Variants in NUP155 observed in about 807,000 individuals in gnomAD.
The protein encoded by NUP155 is nucleoporin 155.
In NUP155, 71 loss-of-function variants were observed where a neutral mutation model predicts 180.4. The ratio of observed to expected loss-of-function variants is 0.39; its 90% CI spans 0.33 to 0.48. The LOEUF is 0.48. Ranked by LOEUF, NUP155 falls within the 20% of genes least tolerant of loss-of-function variation. The pLI is 0.91. For missense variants in NUP155, 1,553 were observed against 1,648.9 expected, an observed-to-expected ratio of 0.94 and a Z score of 1.01; for synonymous variants, 582 against 559.5, an observed-to-expected ratio of 1.04 and a Z score of -0.57.
At position 37,317,414 on chromosome 5, in the gene NUP155, G is replaced by A. The variant is rs528629267; in HGVS notation, c.2305+574C>T. On this transcript the variant is annotated intron_variant, in intron 21 of 34. Transcript: ENST00000231498. ...GAGGCAGAAGAATTTCTTGAACCCAGGAGGCAGAGGTTGCAGTGAGCCAAG... is the reference window on the plus strand; with the variant it reads ...GAGGCAGAAGAATTTCTTGAACCCAAGAGGCAGAGGTTGCAGTGAGCCAAG... 7.9e-5 allele frequency among the ~76,000 whole-genome samples: 12 copies of A among 151,796 alleles called. No individual in the cohort carries two copies. The South Asian group carries it at 2.3e-3, about 29-fold the overall frequency.
At chr5:37,344,399 C>A (rs1581189838) in intron 9 of NUP155, among the ~76,000 whole-genome samples, 1 of 143,952 alleles carries the variant, frequency 6.9e-6, no homozygotes, top group African/African-American at 2.5e-5. Context: ...ATATAAACAT[C>A]ATATATAAAA....
chr5:37,324,607 T>C (rs1019796094), intron 19 of NUP155, among the ~76,000 whole-genome samples: 9 of 152,178 alleles, frequency 5.9e-5, no homozygotes, highest in East Asian at 3.9e-4. Flanking sequence ...CCTGGGAGTG[T>C]AGTGGCGCGG....
chr5:37,327,803 CTCTTAA>C (rs769779770), intron 17 of NUP155, 27 bp from the exon 18 acceptor site: 5 of 1,611,504 alleles, frequency 3.1e-6, no homozygotes, highest in East Asian at 2.2e-5. Flanking sequence ...AAAAACAAAT[CTCTTAA>C]TCTTAATCTT....
chr5:37,297,997 G>A (rs1742678669), intron 32 of NUP155, among the ~76,000 whole-genome samples: 1 of 151,870 alleles, frequency 6.6e-6, no homozygotes. Context: ...CAGCACCTTG[G>A]GAGGCCAAGG....
intron 1 of NUP155, among the ~76,000 whole-genome samples, chr5:37,370,503 A>T (rs1747891021): frequency 6.6e-6 from 1 of 152,238 alleles, no homozygotes; most frequent in Non-Finnish European, 1.5e-5. Context: ...TGGGACTTGG[A>T]TCTGGAGATG....
intron 30 of NUP155, among the ~76,000 whole-genome samples, chr5:37,300,494 CAA>C (rs35124053): frequency 0.25 from 37,451 of 151,976 alleles, 5,020 homozygotes; most frequent in Middle Eastern, 0.39. Flanking sequence ...TGACAAATCT[CAA>C]AGTGTTTCAG....
intron 21 of NUP155, 70 bp from the exon 22 acceptor site, chr5:37,314,398 G>A (rs1166003553): frequency 1.7e-6 from 2 of 1,195,448 alleles, no homozygotes; most frequent in Non-Finnish European, 2.4e-6. Context: ...AATAAAAACT[G>A]TAGTTAAGGT....
At position 37,301,338 on chromosome 5, in the gene NUP155, A is replaced by G. The variant is rs1178695272; in HGVS notation, c.3561+99T>C. ...AAGATGCCTTATCTTATTTGTGGAG[A>G]TAAGGTAATTTTCCCCATGAAACAA... is the stretch of plus-strand genomic sequence containing the variant. On this transcript the variant is annotated intron_variant, in intron 30 of 34. Transcript: ENST00000231498. 9.0e-5 allele frequency: 66 copies of G among 733,956 alleles called. 1 individual carries two copies. 45.5% of individuals were successfully genotyped at this position (733,956 alleles called of 1,614,324 possible). A position where few individuals can be genotyped will look rare whatever the true frequency, so the allele number is the denominator to read the frequency against.
chr5:37,306,747 G>A (rs1032748924), intron 25 of NUP155, among the ~76,000 whole-genome samples: 25 of 152,220 alleles, frequency 1.6e-4, no homozygotes, highest in Non-Finnish European at 2.2e-4. Flanking sequence ...TTACAGGCGT[G>A]AGCCACTGTG....
intron 3 of NUP155, among the ~76,000 whole-genome samples, chr5:37,360,681 G>T (rs1201139824): frequency 6.6e-6 from 1 of 151,610 alleles, no homozygotes; most frequent in Non-Finnish European, 1.5e-5. Context: ...AGTTACTCGG[G>T]AGGCTGAGGC....
At chr5:37,302,079 CT>C (rs111715495) in intron 29 of NUP155, among the ~76,000 whole-genome samples, 7,041 of 152,158 alleles carry the variant, frequency 0.046, 560 homozygotes, top group African/African-American at 0.16. Flanking sequence ...AAGAAACAAA[CT>C]TTTGTATTTG....
chr5:37,308,834 C>A (rs1350331947), intron 24 of NUP155, among the ~76,000 whole-genome samples: 1 of 142,166 alleles, frequency 7.0e-6, no homozygotes, highest in Admixed American at 7.3e-5. Context: ...GAGCTGAGAT[C>A]GTGCCACTGC....
In NUP155 at chr5:37,290,187, A is replaced by G; in HGVS notation, c.*1713T>C. 6.6e-6 allele frequency: 1 copy of G among 152,206 alleles called. No homozygotes were observed. The highest frequency in any genetic ancestry group is 1.5e-5 in the Non-Finnish European group (1 of 68,016). 9.4% of individuals were successfully genotyped at this position (152,206 alleles called of 1,614,324 possible). ...ATTATTTGTGGTAGCATAAAGAGAG[A>G]AGGGAATAGGCCAGGCACATTGGCT... On this transcript the variant is annotated 3_prime_UTR_variant, in exon 35 of 35. Coordinates refer to ENST00000231498, the MANE Select transcript of NUP155 (RefSeq NM_153485.3).
rs374547686 is a variant in NUP155 at position 37,342,653 on chromosome 5, G to C, written c.996-7C>G. Reference sequence around the variant, plus strand: ...AACAGAACGATCGATGGTCCTAAAAGAAAGGAGAAAATAAAGTGTATTTTT... The same window carrying C: ...AACAGAACGATCGATGGTCCTAAAACAAAGGAGAAAATAAAGTGTATTTTT... On this transcript the variant is annotated splice_polypyrimidine_tract_variant and splice_region_variant and intron_variant, in intron 9 of 34. Coordinates refer to ENST00000231498, the MANE Select transcript of NUP155 (RefSeq NM_153485.3). 152 of 1,548,028 alleles carry C rather than the reference G, an allele frequency of 9.8e-5. 1 individual carries two copies. Among genetic ancestry groups the C allele is most frequent in the Middle Eastern group, 1.8e-4 (1 of 5,682 alleles).
At chr5:37,350,318 A>G (rs1179783229) in intron 6 of NUP155, 53 bp from the exon 7 acceptor site, 16 of 1,117,542 alleles carry the variant, frequency 1.4e-5, no homozygotes, top group South Asian at 2.5e-5. Context: ...CTCCCTTACA[A>G]TAACTACTGT....
intron 27 of NUP155, among the ~76,000 whole-genome samples, chr5:37,304,262 AAAAAAAAAAAAG>A (rs934844042): frequency 2.7e-5 from 4 of 149,366 alleles, no homozygotes; most frequent in Admixed American, 1.3e-4. Flanking sequence ...AAAAAAAAAA[AAAAAAAAAAAAG>A]GGAAATTTAC....
intron 12 of NUP155, 48 bp from the exon 13 acceptor site, chr5:37,333,681 A>G: frequency 2.1e-6 from 3 of 1,424,262 alleles, no homozygotes. Context: ...AAGTTACATA[A>G]TGCAAAAGAA....
chr5:37,368,703 A>T (rs1747766671), intron 1 of NUP155, among the ~76,000 whole-genome samples: 1 of 152,010 alleles, frequency 6.6e-6, no homozygotes, highest in African/African-American at 2.4e-5. Flanking sequence ...GATCCCAGCT[A>T]CTCAGGAGGC....
chr5:37,306,768 ATTTCT>A (rs1254177252), intron 25 of NUP155, among the ~76,000 whole-genome samples: 1 of 151,948 alleles, frequency 6.6e-6, no homozygotes, highest in African/African-American at 2.4e-5. Flanking sequence ...CCTGGCCTAT[ATTTCT>A]TTTAAGGACA....
Sources: allele counts gnomAD v4.1 joint callset (sites outside exome capture counted in the v4.1 genomes callset), GRCh38; gene constraint gnomAD v4.1.1; transcripts MANE v1.5; gene names NCBI Gene and HGNC (gene_info 2026-07-23, HGNC 2026-07-21).